The following IL7 variants were observed in gnomAD, a reference collection of about 807,000 sequenced individuals.
IL7 encodes the protein interleukin 7.
A neutral mutation model predicts 21.6 loss-of-function variants in IL7; 3 were observed. The observed-to-expected ratio is 0.14, with a 90% CI of 0.06 to 0.36. The LOEUF (loss-of-function observed/expected upper bound fraction) is 0.36, where lower values mean the gene tolerates loss of function less well. IL7 is among the 10% of genes least tolerant of loss of function. The probability of loss-of-function intolerance (pLI) is 1.00; values close to 1 mark genes in which losing one functional copy is unlikely to be tolerated. For synonymous variants in IL7, 62 were observed against 68.1 expected (o/e 0.91, Z 0.44); for missense variants, 175 against 200.2 (o/e 0.87, Z 0.76).
In IL7 at chr8:78,762,468, C is replaced by T; in HGVS notation, c.148-22386G>A. On this transcript the variant is annotated intron_variant, in intron 2 of 5. Transcript: ENST00000263851. ...CGCCGGCCGGTCCAGCCCTCCCCTC[C>T]CCGCCTCCTCAGGGCAGTCCGCCCG... is the stretch of plus-strand genomic sequence containing the variant. 6 of 1,536,256 alleles carry T rather than the reference C, an allele frequency of 3.9e-6. No individual in the cohort carries two copies. The South Asian group carries it at 7.2e-5, about 18-fold the overall frequency.
At chr8:78,722,239 C>T (rs1056126744) in intron 3 of IL7, among the ~76,000 whole-genome samples, 5 of 151,966 alleles carry the variant, frequency 3.3e-5, no homozygotes, top group East Asian at 1.9e-4. Flanking sequence ...CCGCCTTTTA[C>T]GTTGTTTTCT....
In IL7 at chr8:78,692,700, C is replaced by T. The variant is rs188240625; in HGVS notation, n.215-6753G>A. On this transcript the variant is annotated intron_variant and non_coding_transcript_variant, in intron 3 of 4. Transcript: ENST00000523959. ...CTGTAGGATGGTTATATAGCCACTT[C>T]ACCCCTCCAACATTGAGCTTCTAAT... Among the ~76,000 whole-genome samples, 37 of 152,124 alleles carry T rather than the reference C, an allele frequency of 2.4e-4. No homozygotes were observed. The East Asian group carries it at 2.7e-3, about 11-fold the overall frequency.
rs1035825341 is a variant in IL7, at chr8:78,740,553, A to G, written c.148-471T>C. Among the ~76,000 whole-genome samples, 4 of 152,354 alleles carry G rather than the reference A, an allele frequency of 2.6e-5. No individual in the cohort carries two copies. In the South Asian group the frequency reaches 8.3e-4, roughly 32 times the overall value. On this transcript the variant is annotated intron_variant, in intron 2 of 5. Transcript: ENST00000263851. ...ATAAGAGAAAGAATCACAAATGTATAACATACCTAAACCCTTTACCCCTTC... is the reference window on the plus strand; with the variant it reads ...ATAAGAGAAAGAATCACAAATGTATGACATACCTAAACCCTTTACCCCTTC...
chr8:78,697,975 C>T (rs113540675), intron 3 of IL7, among the ~76,000 whole-genome samples: 5,618 of 152,054 alleles, frequency 0.037, 310 homozygotes, highest in African/African-American at 0.13. Flanking sequence ...ACCGTGGTGC[C>T]GAGCCACTTT....
At chr8:78,718,270 G>A (rs186499705) in intron 6 of IL7, 7 of 151,568 alleles carry the variant, frequency 4.6e-5, no homozygotes, top group East Asian at 3.9e-4. Flanking sequence ...TCCATAACCC[G>A]TGAAGATAGT....
intron 2 of IL7, among the ~76,000 whole-genome samples, chr8:78,775,770 C>CT (rs1813112730): frequency 6.6e-6 from 1 of 151,908 alleles, no homozygotes; most frequent in South Asian, 2.1e-4. Flanking sequence ...CCATGTAGTC[C>CT]TAGGATTTCA....
rs60056547 is a variant in IL7 at position 78,686,431 on chromosome 8, GTTTATTTATTTA to G, written n.215-496_215-485del. The G allele has an allele frequency of 2.2e-3, 2,548 of 1,173,522 alleles. 133 individuals are homozygous for G. In the South Asian group the frequency reaches 0.054, roughly 25 times the overall value. 72.7% of individuals were successfully genotyped at this position (1,173,522 alleles called of 1,614,324 possible). On this transcript the variant is annotated intron_variant and non_coding_transcript_variant, in intron 3 of 4. Transcript: ENST00000523959. ...TCAATATACTAAAAAGATACTGTTT[GTTTATTTATTTA>G]TTTATTTATTTATTTATTTATAGCC...
rs1389737977 is a variant in IL7 at position 78,797,739 on chromosome 8, A to C, written c.147+333T>G. 2.2e-5 allele frequency: 4 copies of C among 182,062 alleles called. No individual in the cohort carries two copies. The East Asian group carries it at 5.5e-4, about 25-fold the overall frequency. 11.3% of individuals were successfully genotyped at this position (182,062 alleles called of 1,614,324 possible). On this transcript the variant is annotated intron_variant, in intron 2 of 5. Transcript: ENST00000263851. ...TTTACTCTGTTATTTTCCCACTCTTAATGTAATGCTTCTACAGGGACTAAC... is the reference window on the plus strand; with the variant it reads ...TTTACTCTGTTATTTTCCCACTCTTCATGTAATGCTTCTACAGGGACTAAC...
chr8:78,773,234 C>T (rs1311837119), intron 2 of IL7, among the ~76,000 whole-genome samples: 1 of 152,066 alleles, frequency 6.6e-6, no homozygotes, highest in Non-Finnish European at 1.5e-5. Context: ...TCGACATACC[C>T]ATTCACCCAG....
chr8:78,736,886 C>G lies in IL7; in HGVS notation c.361-359G>C, dbSNP rs146405041. 6.1e-3 allele frequency among the ~76,000 whole-genome samples: 925 copies of G among 152,064 alleles called. 9 individuals carry two copies. Among genetic ancestry groups the G allele is most frequent in the African/African-American group, 0.021 (869 of 41,518 alleles). ...TAAAGTTAACAAGAAATTGTTAAAT[C>G]CTGGCCATACATTTTATTAAGCTTC... On this transcript the variant is annotated intron_variant, in intron 4 of 5. Transcript: ENST00000263851.
intron 3 of IL7, among the ~76,000 whole-genome samples, chr8:78,695,874 T>C (rs1810384131): frequency 1.3e-5 from 2 of 152,220 alleles, no homozygotes; most frequent in Non-Finnish European, 2.9e-5. Flanking sequence ...TATCAAGATT[T>C]AACTTTTTAA....
downstream of IL7, among the ~76,000 whole-genome samples, chr8:78,731,604 T>G (rs1255133302): frequency 1.3e-5 from 2 of 151,916 alleles, no homozygotes; most frequent in Middle Eastern, 3.2e-3. Context: ...AATGCTGACT[T>G]AAAGCATTTA....
At chr8:78,691,373 G>T (rs1461134951) in intron 3 of IL7, among the ~76,000 whole-genome samples, 3 of 152,042 alleles carry the variant, frequency 2.0e-5, no homozygotes, top group East Asian at 1.9e-4. Context: ...CTTTTTGTCT[G>T]TGGCAATATT....
downstream of IL7, among the ~76,000 whole-genome samples, chr8:78,713,081 A>G (rs1024789393): frequency 2.6e-5 from 4 of 152,194 alleles, no homozygotes; most frequent in African/African-American, 7.2e-5. Flanking sequence ...TCTCACAGTA[A>G]CAGTGACTAG....
downstream of IL7, chr8:78,717,207 G>A (rs1811133745): frequency 1.2e-6 from 1 of 861,194 alleles, no homozygotes; most frequent in South Asian, 2.7e-5. Context: ...TTGAACTAGA[G>A]GAATATTAAA....
chr8:78,694,602 A>G (rs1396126258), intron 3 of IL7, among the ~76,000 whole-genome samples: 1 of 152,136 alleles, frequency 6.6e-6, no homozygotes, highest in African/African-American at 2.4e-5. Context: ...CTCATTTGAC[A>G]TTCAGTGCTT....
chr8:78,677,883 G>C (rs1809633736), intron 4 of IL7, among the ~76,000 whole-genome samples: 1 of 152,174 alleles, frequency 6.6e-6, no homozygotes, highest in Non-Finnish European at 1.5e-5. Flanking sequence ...AGCCCTGAAG[G>C]CTGCTGGTTG....
At chr8:78,759,146 A>C (rs1220691958) in intron 2 of IL7, among the ~76,000 whole-genome samples, 2 of 126,452 alleles carry the variant, frequency 1.6e-5, no homozygotes, top group East Asian at 2.5e-4. Context: ...CTATTGTTGA[A>C]CTCTTGATTG....
chr8:78,692,424 CTT>C (rs1229966339), intron 3 of IL7, among the ~76,000 whole-genome samples: 1 of 152,112 alleles, frequency 6.6e-6, no homozygotes, highest in Non-Finnish European at 1.5e-5. Context: ...TTTCTGTTGA[CTT>C]GACATTTTTG....
Sources: allele counts gnomAD v4.1 joint callset (sites outside exome capture counted in the v4.1 genomes callset), GRCh38; gene constraint gnomAD v4.1.1; transcripts MANE v1.5; gene names NCBI Gene and HGNC (gene_info 2026-07-23, HGNC 2026-07-21).